Variants in MYT1L observed in about 807,000 individuals in gnomAD.
MYT1L encodes the protein myelin transcription factor 1-like protein.
A neutral mutation model predicts 126.7 loss-of-function variants in MYT1L; 12 were observed. The ratio of observed to expected loss-of-function variants is 0.09; its 90% confidence interval spans 0.06 to 0.15. The LOEUF is 0.15. Among genes scored for constraint, MYT1L ranks in the 10% least tolerant of loss-of-function variants. MYT1L has a pLI of 1.00. For missense variants in MYT1L, 979 were observed against 1,585.2 expected (o/e 0.62, Z 6.49); for synonymous variants, 541 against 604.2 (o/e 0.90, Z 1.53).
intron 2 of MYT1L, among the ~76,000 whole-genome samples, chr2:2,185,662 G>A (rs2092055763): frequency 7.2e-6 from 1 of 138,522 alleles, no homozygotes; most frequent in Non-Finnish European, 1.5e-5. Flanking sequence ...CCAGACGCCC[G>A]CGTTCCTTAC....
chr2:2,052,336 A>G (rs1158643540), intron 4 of MYT1L, among the ~76,000 whole-genome samples: 4 of 152,240 alleles, frequency 2.6e-5, no homozygotes, highest in Non-Finnish European at 5.9e-5. Flanking sequence ...TAAAACTCTT[A>G]GAAGAAAATA....
chr2:2,169,790 C>G (rs2089741206), intron 3 of MYT1L, among the ~76,000 whole-genome samples: 1 of 152,146 alleles, frequency 6.6e-6, no homozygotes, highest in African/African-American at 2.4e-5. Context: ...GCATCCCTCA[C>G]CCTTCCGGGA....
Position 2,228,822 on chromosome 2 carries a change from T to G in MYT1L, c.-421+55582A>C, listed in dbSNP as rs1316395432. Among the ~76,000 whole-genome samples, 4 of 152,292 alleles carry G rather than the reference T, an allele frequency of 2.6e-5. No individual in the cohort carries two copies. Among genetic ancestry groups the G allele is most frequent in the African/African-American group, 9.6e-5 (4 of 41,560 alleles). On this transcript the variant is annotated intron_variant, in intron 2 of 24. Transcript: ENST00000647738. The surrounding 1 kb of genome is among the most constrained non-coding windows in gnomAD (Gnocchi z 5.9). The stretch of plus-strand genomic sequence containing the variant: ...TCTTTTCAAGGTAACAGGGAAGTAT[T>G]GATTATTTGCCCAGCCAATACAATA...
intron 4 of MYT1L, among the ~76,000 whole-genome samples, chr2:2,027,149 T>C (rs927163304): frequency 6.6e-6 from 1 of 152,104 alleles, no homozygotes; most frequent in East Asian, 1.9e-4. Context: ...GAGCCGCCCC[T>C]GAGAGAGGCA....
At chr2:2,106,664 C>T (rs1373977091) in intron 3 of MYT1L, among the ~76,000 whole-genome samples, 1 of 152,050 alleles carries the variant, frequency 6.6e-6, no homozygotes, top group Non-Finnish European at 1.5e-5. Flanking sequence ...AATTCATCTC[C>T]ATGAGGGAAG....
At chr2:1,908,524 G>C (rs1000779897) in intron 13 of MYT1L, among the ~76,000 whole-genome samples, 12 of 152,238 alleles carry the variant, frequency 7.9e-5, no homozygotes, top group African/African-American at 2.9e-4. Flanking sequence ...AGTTCTTCCA[G>C]CTTCTTGGGG....
chr2:1,974,475 A>G (rs1376049291), intron 8 of MYT1L: 1 of 151,564 alleles, frequency 6.6e-6, no homozygotes, highest in African/African-American at 2.4e-5. Flanking sequence ...CAAGACAAAA[A>G]CCTCAGTTGG....
At chr2:1,883,324 C>T (rs1415203111) in intron 18 of MYT1L, among the ~76,000 whole-genome samples, 1 of 152,190 alleles carries the variant, frequency 6.6e-6, no homozygotes, top group Non-Finnish European at 1.5e-5. Flanking sequence ...ATGCCCATGT[C>T]AACAACGGCA....
chr2:1,942,287 T>C (rs2056742800), intron 9 of MYT1L, among the ~76,000 whole-genome samples: 1 of 152,172 alleles, frequency 6.6e-6, no homozygotes, highest in Non-Finnish European at 1.5e-5. Flanking sequence ...AACAGAACAC[T>C]GGACATGAAA....
intron 3 of MYT1L, among the ~76,000 whole-genome samples, chr2:2,113,997 A>G (rs1020872250): frequency 3.3e-5 from 5 of 151,998 alleles, no homozygotes; most frequent in African/African-American, 4.8e-5. Context: ...CACAGATAGG[A>G]AAATAGTTAT....
intron 4 of MYT1L, among the ~76,000 whole-genome samples, chr2:2,053,257 G>C (rs1039025974): frequency 6.6e-6 from 1 of 152,178 alleles, no homozygotes; most frequent in South Asian, 2.1e-4. Context: ...GAGAGTGTGG[G>C]GGAGGCCTGG....
At chr2:1,834,223 T>C (rs1351316043) in intron 21 of MYT1L, among the ~76,000 whole-genome samples, 2 of 152,182 alleles carry the variant, frequency 1.3e-5, no homozygotes, top group Non-Finnish European at 2.9e-5. Flanking sequence ...CAAACTCCAA[T>C]CTTGACGTGC....
intron 3 of MYT1L, among the ~76,000 whole-genome samples, chr2:2,091,450 A>G (rs952037748): frequency 7.9e-5 from 12 of 152,230 alleles, no homozygotes; most frequent in African/African-American, 2.9e-4. Flanking sequence ...ATGTGCTGTC[A>G]TCCAGGCTTT....
At chr2:2,099,241 A>G (rs2077769906) in intron 3 of MYT1L, among the ~76,000 whole-genome samples, 1 of 152,168 alleles carries the variant, frequency 6.6e-6, no homozygotes, top group Non-Finnish European at 1.5e-5. Context: ...TTGTTTTCTC[A>G]GACTCTCAGC....
chr2:2,009,648 A>G (rs2063631219), intron 4 of MYT1L, among the ~76,000 whole-genome samples: 1 of 152,238 alleles, frequency 6.6e-6, no homozygotes, highest in Admixed American at 6.5e-5. Context: ...ATCTGCAAAT[A>G]GAGAAATGCT....
chr2:1,850,842 T>C (rs11685645), intron 19 of MYT1L, among the ~76,000 whole-genome samples: 113,993 of 151,914 alleles, frequency 0.75, 44,000 homozygotes, highest in African/African-American at 0.93. Flanking sequence ...CTGACCCCAA[T>C]CTGCTCCTTG....
At chr2:2,320,754 G>A (rs1035630431) in intron 1 of MYT1L, among the ~76,000 whole-genome samples, 11 of 152,282 alleles carry the variant, frequency 7.2e-5, no homozygotes, top group African/African-American at 2.2e-4. Flanking sequence ...AAGTACAAGT[G>A]GTCTCTGTCT....
rs137963436 is a variant in MYT1L at position 2,087,006 on chromosome 2, C to G, written c.-303-32883G>C. 5.1e-4 allele frequency among the ~76,000 whole-genome samples: 78 copies of G among 152,190 alleles called. No individual in the cohort carries two copies. The East Asian group carries it at 0.014, about 28-fold the overall frequency. On this transcript the variant is annotated intron_variant, in intron 3 of 24. Transcript: ENST00000647738. ...CAGCATTGTCTTAGGAGAAAATATC[C>G]CTGACTTCCCAAGCTCCAATGCCCT...
At chr2:1,885,200 A>G (rs1573217596) in intron 18 of MYT1L, 2 of 152,486 alleles carry the variant, frequency 1.3e-5, no homozygotes, top group African/African-American at 2.4e-5. Context: ...AAGTGGAGTT[A>G]GTCATGTTTT....
Sources: allele counts gnomAD v4.1 joint callset (sites outside exome capture counted in the v4.1 genomes callset), GRCh38; gene constraint gnomAD v4.1.1; non-coding constraint Gnocchi (gnomAD v3.1); transcripts MANE v1.5; gene names NCBI Gene and HGNC (gene_info 2026-07-23, HGNC 2026-07-21).